The following MAF variants were observed in gnomAD, a reference collection of about 807,000 sequenced individuals.
The protein encoded by MAF is MAF bZIP transcription factor.
A neutral mutation model predicts 22.0 loss-of-function variants in MAF; 10 were observed. That is an observed-to-expected ratio of 0.45 (90% confidence interval 0.28 to 0.77). The LOEUF (loss-of-function observed/expected upper bound fraction) is 0.77, where lower values mean the gene tolerates loss of function less well. Ranked by LOEUF, MAF falls within the 30% of genes least tolerant of loss-of-function variation. The pLI is 0.12. For missense variants in MAF, 544 were observed against 548.4 expected, an observed-to-expected ratio of 0.99 and a Z score of 0.08; for synonymous variants, 337 against 255.8, an observed-to-expected ratio of 1.32 and a Z score of -3.03.
At chr16:79,235,455 T>C in the MAF span, among the ~76,000 whole-genome samples, 2 of 151,884 alleles carry the variant, frequency 1.3e-5, no homozygotes, top group Admixed American at 6.6e-5. Flanking sequence ...CCAGCTACAC[T>C]GGAGGGAGGC....
the MAF span, among the ~76,000 whole-genome samples, chr16:79,474,620 G>A: frequency 6.6e-6 from 1 of 152,174 alleles, no homozygotes; most frequent in Non-Finnish European, 1.5e-5. Context: ...TCAAATCACA[G>A]CGTTGGAATC....
chr16:79,419,231 C>T, the MAF span, among the ~76,000 whole-genome samples: 29 of 152,212 alleles, frequency 1.9e-4, no homozygotes, highest in African/African-American at 5.8e-4. Context: ...TTTTGGCTCC[C>T]AGCAGCCTCC....
At chr16:79,521,719 A>G in the MAF span, among the ~76,000 whole-genome samples, 1 of 152,204 alleles carries the variant, frequency 6.6e-6, no homozygotes. Context: ...CAGTTTTCCC[A>G]TCTATAAAAT....
In MAF at chr16:79,599,390, G is replaced by A. The variant is rs1567567657; in HGVS notation, c.513C>T (p.Ala171=). The A allele has an allele frequency of 4.8e-6, 5 of 1,036,476 alleles. No homozygotes were observed. Among genetic ancestry groups the A allele is most frequent in the Non-Finnish European group, 4.6e-6 (4 of 865,208 alleles). The allele number at this position is 1,036,476 out of a possible 1,614,324, so 64.2% of individuals were successfully genotyped here. ...AAVVSAVIAA[A]AAQSGAGPHY... is the part of the protein sequence containing the mutation. ...GCGGGCCCGCGCCGCTCTGCGCGGC[G>A]GCCGCGGCGATCACGGCGGACACCA... Residue 171 remains alanine (A), a synonymous_variant, in exon 1 of 2, where the codon GCC becomes GCT. Transcript: ENST00000326043.
chr16:79,297,799 G>C, the MAF span, among the ~76,000 whole-genome samples: 8 of 152,186 alleles, frequency 5.3e-5, no homozygotes, highest in African/African-American at 1.9e-4. Context: ...GACTGGTGGG[G>C]AGAACATGGG....
chr16:79,531,964 T>G, the MAF span, among the ~76,000 whole-genome samples: 2,395 of 152,186 alleles, frequency 0.016, 65 homozygotes, highest in African/African-American at 0.055. Flanking sequence ...CCGTGGGAAC[T>G]CCTCTTAGGA....
chr16:79,501,089 T>C, the MAF span, among the ~76,000 whole-genome samples: 1 of 152,148 alleles, frequency 6.6e-6, no homozygotes, highest in Non-Finnish European at 1.5e-5. Context: ...TCCCTCCCAG[T>C]TCTAGAAGTC....
the MAF span, among the ~76,000 whole-genome samples, chr16:79,542,264 C>T: frequency 6.6e-6 from 1 of 152,166 alleles, no homozygotes; most frequent in Admixed American, 6.5e-5. Flanking sequence ...AGCCTCCGGG[C>T]AGGAACGCAA....
the MAF span, among the ~76,000 whole-genome samples, chr16:79,535,973 T>G: frequency 6.6e-6 from 1 of 152,332 alleles, no homozygotes; most frequent in Non-Finnish European, 1.5e-5. Flanking sequence ...ACTTATTTTC[T>G]TTTCTCCCAC....
the MAF span, among the ~76,000 whole-genome samples, chr16:79,522,740 A>G: frequency 6.6e-6 from 1 of 152,214 alleles, no homozygotes; most frequent in Non-Finnish European, 1.5e-5. Flanking sequence ...GATCAATCCA[A>G]CGATGGCTTG....
At chr16:79,578,511 G>C in the MAF span, among the ~76,000 whole-genome samples, 11 of 151,814 alleles carry the variant, frequency 7.2e-5, no homozygotes, top group Admixed American at 3.9e-4. Flanking sequence ...GAATTCTATA[G>C]CTCTATTCAT....
the MAF span, among the ~76,000 whole-genome samples, chr16:79,463,035 C>T: frequency 1.3e-5 from 2 of 152,118 alleles, no homozygotes; most frequent in Admixed American, 6.5e-5. Context: ...ATATTTCAGT[C>T]AATGGGAATC....
At chr16:79,555,648 C>A in the MAF span, among the ~76,000 whole-genome samples, 17 of 152,310 alleles carry the variant, frequency 1.1e-4, no homozygotes, top group South Asian at 3.3e-3. Context: ...CAACATGATG[C>A]TGAAAGGAAA....
chr16:79,321,813 G>T, the MAF span, among the ~76,000 whole-genome samples: 4 of 151,984 alleles, frequency 2.6e-5, no homozygotes, highest in Non-Finnish European at 5.9e-5. Flanking sequence ...ACCACACCTG[G>T]ATAAGTGCTG....
the MAF span, among the ~76,000 whole-genome samples, chr16:79,489,538 G>A: frequency 6.6e-6 from 1 of 152,240 alleles, no homozygotes; most frequent in Non-Finnish European, 1.5e-5. Context: ...GAACTTCCCT[G>A]TTGGGGAACA....
At chr16:79,535,483 G>A in the MAF span, among the ~76,000 whole-genome samples, 1 of 150,602 alleles carries the variant, frequency 6.6e-6, no homozygotes, top group Non-Finnish European at 1.5e-5. Flanking sequence ...TTTGGATCCA[G>A]GAAGGAAAGG....
At chr16:79,204,078 T>A in the MAF span, 1 of 152,148 alleles carries the variant, frequency 6.6e-6, no homozygotes, top group African/African-American at 2.4e-5. Flanking sequence ...ATGCTTATTT[T>A]GTTGGCAAAT....
chr16:79,269,561 A>C, the MAF span, among the ~76,000 whole-genome samples: 2 of 152,192 alleles, frequency 1.3e-5, no homozygotes, highest in Non-Finnish European at 2.9e-5. Flanking sequence ...GATTAATGGC[A>C]TCTTGAGGTT....
the MAF span, among the ~76,000 whole-genome samples, chr16:79,436,289 G>C: frequency 6.6e-6 from 1 of 152,096 alleles, no homozygotes; most frequent in African/African-American, 2.4e-5. Context: ...TGCCATGTTG[G>C]CCAGACTGGT....
Sources: allele counts gnomAD v4.1 joint callset (sites outside exome capture counted in the v4.1 genomes callset), GRCh38; gene constraint gnomAD v4.1.1; transcripts MANE v1.5; gene names NCBI Gene and HGNC (gene_info 2026-07-23, HGNC 2026-07-21).